Variants in GPC6 observed in about 807,000 individuals in gnomAD.
GPC6 encodes the protein glypican 6.
GPC6 carries 14 observed loss-of-function variants against 55.2 expected under a neutral mutation model. That is an observed-to-expected ratio of 0.25 (90% CI 0.17 to 0.40). The LOEUF (loss-of-function observed/expected upper bound fraction) is 0.40, where lower values mean the gene tolerates loss of function less well. Ranked by LOEUF, GPC6 falls within the 10% of genes least tolerant of loss-of-function variation. The pLI, the probability that GPC6 is intolerant of heterozygous loss-of-function variation, is 1.00. For missense variants in GPC6, 641 were observed against 708.5 expected (o/e 0.90, Z 1.08); for synonymous variants, 278 against 259.6 (o/e 1.07, Z -0.68).
At chr13:94,151,293 A>G (rs1375131761) in intron 4 of GPC6, among the ~76,000 whole-genome samples, 1 of 152,190 alleles carries the variant, frequency 6.6e-6, no homozygotes, top group African/African-American at 2.4e-5. Flanking sequence ...AAATAATTGG[A>G]TGAGCTATTC....
intron 2 of GPC6, among the ~76,000 whole-genome samples, chr13:93,714,431 C>G (rs1311111580): frequency 6.6e-6 from 1 of 151,774 alleles, no homozygotes; most frequent in Non-Finnish European, 1.5e-5. Context: ...AGTCAAAAGA[C>G]AACAGATGCT....
chr13:93,930,290 T>TTTTTTTTTTTTTTTTTTAA (rs1212509139), intron 3 of GPC6, among the ~76,000 whole-genome samples: 1 of 142,508 alleles, frequency 7.0e-6, no homozygotes, highest in African/African-American at 2.7e-5. Flanking sequence ...TTTTTTTTTG[T>TTTTTTTTTTTTTTTTTTAA]AGACAGAGTC....
intron 2 of GPC6, among the ~76,000 whole-genome samples, chr13:93,745,724 T>G (rs913724310): frequency 4.6e-5 from 7 of 152,346 alleles, no homozygotes; most frequent in Non-Finnish European, 7.3e-5. Context: ...TAGTGTATTG[T>G]GTTGCCAGCT....
At chr13:93,376,286 C>T (rs889913997) in intron 1 of GPC6, among the ~76,000 whole-genome samples, 5 of 151,984 alleles carry the variant, frequency 3.3e-5, no homozygotes, top group Non-Finnish European at 5.9e-5. Flanking sequence ...ACTCATGTAA[C>T]CCAGCCTCTT....
intron 3 of GPC6, among the ~76,000 whole-genome samples, chr13:93,996,553 A>G (rs1033168670): frequency 6.6e-6 from 1 of 151,584 alleles, no homozygotes. Flanking sequence ...TCTTGTCTCC[A>G]CTCACCTCTA....
chr13:93,997,608 C>T (rs1054420442), intron 3 of GPC6, among the ~76,000 whole-genome samples: 3 of 114,156 alleles, frequency 2.6e-5, no homozygotes, highest in Middle Eastern at 9.5e-3. Flanking sequence ...TGTGTGTGTG[C>T]ATGCACGCTT....
In GPC6 at chr13:94,288,896, C is replaced by CAAATATATATATATATTTGTT. The variant is rs1555316149; in HGVS notation, c.1008+2431_1008+2432insATTTGTTAAATATATATATAT. On this transcript the variant is annotated intron_variant, in intron 5 of 8. Transcript: ENST00000377047. The stretch of plus-strand genomic sequence containing the variant: ...TTATATATATAACTAATATATATAA[C>CAAATATATATATATATTTGTT]AAATATATATATATTTGTTATATAT... Among the ~76,000 whole-genome samples, 5 of 117,784 alleles carry CAAATATATATATATATTTGTT rather than the reference C, an allele frequency of 4.2e-5. 1 individual carries two copies. The highest frequency in any genetic ancestry group is 1.3e-4 in the African/African-American group (4 of 31,850). 77.3% of individuals were successfully genotyped at this position (117,784 alleles called of 152,430 possible). A position where few individuals can be genotyped will look rare whatever the true frequency, so the allele number is the denominator to read the frequency against.
chr13:93,853,415 G>A (rs1369947003), intron 3 of GPC6, among the ~76,000 whole-genome samples: 1 of 151,562 alleles, frequency 6.6e-6, no homozygotes, highest in Non-Finnish European at 1.5e-5. Context: ...ACCAAGTAGA[G>A]GTTAAAGTGT....
intron 1 of GPC6, among the ~76,000 whole-genome samples, chr13:93,357,638 A>G (rs1016599572): frequency 2.8e-4 from 42 of 152,188 alleles, no homozygotes; most frequent in South Asian, 2.3e-3. Context: ...CAGATGCTCA[A>G]AATCAGCCTG....
intron 1 of GPC6, among the ~76,000 whole-genome samples, chr13:93,488,431 C>T (rs1417994800): frequency 2.0e-5 from 3 of 152,134 alleles, no homozygotes; most frequent in Non-Finnish European, 2.9e-5. Flanking sequence ...AATAAACATA[C>T]GTGTGCATGT....
intron 1 of GPC6, among the ~76,000 whole-genome samples, chr13:93,472,460 G>C (rs1228393407): frequency 6.6e-6 from 1 of 152,212 alleles, no homozygotes; most frequent in Non-Finnish European, 1.5e-5. Context: ...TGCTGCAGTA[G>C]AGTGGGCAGC....
At chr13:94,336,680 GCAACAACAA>G (rs368100889) in intron 6 of GPC6, among the ~76,000 whole-genome samples, 2 of 151,602 alleles carry the variant, frequency 1.3e-5, no homozygotes, top group Non-Finnish European at 2.9e-5. Context: ...TGCTTTCTCT[GCAACAACAA>G]CAACAACAAC....
chr13:94,268,807 A>G (rs1014375981), intron 4 of GPC6, among the ~76,000 whole-genome samples: 1 of 152,158 alleles, frequency 6.6e-6, no homozygotes, highest in African/African-American at 2.4e-5. Context: ...CTCACTGAAG[A>G]ACATCTCTCA....
At position 93,536,180 on chromosome 13, in the gene GPC6, A is replaced by G. The variant is rs141893266; in HGVS notation, c.161-9083A>G. On this transcript the variant is annotated intron_variant, in intron 1 of 8. Transcript: ENST00000377047. ...ATGCAGTGGGAGGAGAGACTATAAA[A>G]CCTTTTGGGCCAAATTCACTTTTTC... Among the ~76,000 whole-genome samples the G allele has an allele frequency of 2.1e-3, 322 of 152,096 alleles. 4 individuals carry two copies. The highest frequency in any genetic ancestry group is 7.5e-3 in the African/African-American group (313 of 41,492).
At chr13:93,219,423 G>A in the GPC6 span, among the ~76,000 whole-genome samples, 2 of 152,140 alleles carry the variant, frequency 1.3e-5, no homozygotes, top group Non-Finnish European at 2.9e-5. Context: ...CCAAACAATA[G>A]TCATTTTTAT....
At chr13:93,544,064 G>A (rs72641632) in intron 1 of GPC6, among the ~76,000 whole-genome samples, 3,253 of 151,390 alleles carry the variant, frequency 0.021, 53 homozygotes, top group Non-Finnish European at 0.034. Flanking sequence ...GATTAGTCAC[G>A]GTGAGCCTTT....
chr13:93,789,509 C>CTCTA lies in GPC6; in HGVS notation c.320-40644_320-40643insCTAT, dbSNP rs1363454667. On this transcript the variant is annotated intron_variant, in intron 2 of 8. Transcript: ENST00000377047. The stretch of plus-strand genomic sequence containing the variant: ...TCTCTCTCTCTCTCTCTCTCTCTCT[C>CTCTA]TATATATATATATATATATATATAT... Among the ~76,000 whole-genome samples, 369 of 93,450 alleles carry CTCTA rather than the reference C, an allele frequency of 3.9e-3. 13 individuals are homozygous for CTCTA. The highest frequency in any genetic ancestry group is 0.012 in the Admixed American group (107 of 8,682). The allele number at this position is 93,450 out of a possible 152,430, so 61.3% of individuals were successfully genotyped here.
chr13:94,166,824 A>T (rs1484699224), intron 4 of GPC6, among the ~76,000 whole-genome samples: 2 of 152,204 alleles, frequency 1.3e-5, no homozygotes, highest in Non-Finnish European at 2.9e-5. Flanking sequence ...TTAAATTTTC[A>T]TCAAATATGT....
At chr13:93,700,364 T>C (rs1882625824) in intron 2 of GPC6, among the ~76,000 whole-genome samples, 1 of 151,990 alleles carries the variant, frequency 6.6e-6, no homozygotes. Flanking sequence ...AAAACAGATA[T>C]AAGGATGTTC....
Sources: allele counts gnomAD v4.1 joint callset (sites outside exome capture counted in the v4.1 genomes callset), GRCh38; gene constraint gnomAD v4.1.1; transcripts MANE v1.5; gene names NCBI Gene and HGNC (gene_info 2026-07-23, HGNC 2026-07-21).